Variants in RPS6KA1 observed in about 807,000 individuals in gnomAD.
The protein encoded by RPS6KA1 is ribosomal protein S6 kinase alpha-1.
In RPS6KA1, 48 loss-of-function variants were observed where a neutral mutation model predicts 91.3. The observed-to-expected ratio is 0.53, with a 90% confidence interval of 0.42 to 0.67. RPS6KA1 has a LOEUF of 0.67. RPS6KA1 is among the 30% of genes least tolerant of loss of function. The pLI is 0.00. For missense variants in RPS6KA1, 719 were observed against 960.5 expected, an observed-to-expected ratio of 0.75 and a Z score of 3.32; for synonymous variants, 359 against 384.7, an observed-to-expected ratio of 0.93 and a Z score of 0.78.
intron 17 of RPS6KA1, among the ~76,000 whole-genome samples, chr1:26,570,409 G>C (rs1414617926): frequency 6.6e-6 from 1 of 152,120 alleles, no homozygotes; most frequent in Non-Finnish European, 1.5e-5. Flanking sequence ...GATCACTTGA[G>C]CTCAGAGATT....
intron 14 of RPS6KA1, 133 bp from the exon 15 acceptor site, chr1:26,560,593 T>C: frequency 8.8e-7 from 1 of 1,142,114 alleles, no homozygotes; most frequent in African/African-American, 1.5e-5. Flanking sequence ...TGCGGTCACA[T>C]GGCCAACACT....
chr1:26,566,096 G>A (rs1236231126), intron 17 of RPS6KA1, among the ~76,000 whole-genome samples: 2 of 152,138 alleles, frequency 1.3e-5, no homozygotes, highest in Non-Finnish European at 2.9e-5. Context: ...CAATGGAATT[G>A]CTGGGTCAGA....
chr1:26,557,272 C>T (rs374128119), intron 13 of RPS6KA1, among the ~76,000 whole-genome samples, 172 bp downstream of exon 13: 6 of 152,028 alleles, frequency 3.9e-5, no homozygotes, highest in African/African-American at 9.7e-5. Flanking sequence ...TGTCTCACTC[C>T]GCCCGACTCT....
chr1:26,565,396 A>C (rs1343922938), intron 17 of RPS6KA1, among the ~76,000 whole-genome samples: 1 of 152,024 alleles, frequency 6.6e-6, no homozygotes, highest in Non-Finnish European at 1.5e-5. Flanking sequence ...CAAGTCAATA[A>C]ATTTTCAAAA....
intron 1 of RPS6KA1, among the ~76,000 whole-genome samples, chr1:26,534,929 A>C (rs1275991757): frequency 6.6e-6 from 1 of 152,182 alleles, no homozygotes; most frequent in Admixed American, 6.5e-5. Context: ...GGCCTGGTAC[A>C]TAGAAGGTTC....
At chr1:26,564,473 T>C (rs983322235) in intron 17 of RPS6KA1, among the ~76,000 whole-genome samples, 7 of 152,176 alleles carry the variant, frequency 4.6e-5, no homozygotes, top group Non-Finnish European at 1.0e-4. Context: ...TTAGCCAGGA[T>C]GGTTTCGATC....
intron 4 of RPS6KA1, among the ~76,000 whole-genome samples, chr1:26,550,698 T>G (rs2076041938): frequency 6.6e-6 from 1 of 152,012 alleles, no homozygotes; most frequent in Non-Finnish European, 1.5e-5. Context: ...GAAGGCAACC[T>G]GAAAAAGAGA....
intron 4 of RPS6KA1, among the ~76,000 whole-genome samples, chr1:26,549,138 C>T (rs2076022938): frequency 6.7e-6 from 1 of 150,224 alleles, no homozygotes; most frequent in Non-Finnish European, 1.5e-5. Flanking sequence ...CTAGTGAAGG[C>T]TTTGGGACTA....
At chr1:26,572,448 G>GACC (rs1456308486) in intron 20 of RPS6KA1, among the ~76,000 whole-genome samples, 155 bp downstream of exon 20, 2 of 151,842 alleles carry the variant, frequency 1.3e-5, no homozygotes, top group African/African-American at 4.8e-5. Flanking sequence ...TTCCCAGGCA[G>GACC]ACCACCACCA....
In RPS6KA1 at chr1:26,574,802, A is replaced by G. The variant is rs1044348798; in HGVS notation, c.*601A>G. On this transcript the variant is annotated 3_prime_UTR_variant, in exon 22 of 22. Transcript: ENST00000374168. This position sits in a 1 kb window ranked among gnomAD's most constrained non-coding sequence, Gnocchi z 4.3. Reference sequence around the variant, plus strand: ...CTTCCAGCTTCAGGCACCAGCATCCACCTTGGCTCTGCCAGTGGATCCCCT... The same window carrying G: ...CTTCCAGCTTCAGGCACCAGCATCCGCCTTGGCTCTGCCAGTGGATCCCCT... 1 of 244,922 alleles carries G rather than the reference A, an allele frequency of 4.1e-6. No individual in the cohort carries two copies. Among genetic ancestry groups the G allele is most frequent in the Non-Finnish European group, 8.3e-6 (1 of 120,552 alleles). The allele number at this position is 244,922 out of a possible 1,614,324, so 15.2% of individuals were successfully genotyped here.
At chr1:26,543,967 C>T (rs548398415) in intron 2 of RPS6KA1, 28 of 417,348 alleles carry the variant, frequency 6.7e-5, no homozygotes, top group African/African-American at 5.7e-4. Flanking sequence ...GAGGAAAATC[C>T]TAGGGAAATG....
chr1:26,556,349 AG>A (rs2076101518), intron 11 of RPS6KA1, among the ~76,000 whole-genome samples: 2 of 152,208 alleles, frequency 1.3e-5, no homozygotes, highest in Non-Finnish European at 2.9e-5. Context: ...GGCTCTCTGT[AG>A]GTCTCAGAAC....
In RPS6KA1 at chr1:26,574,047, A is replaced by T; in HGVS notation, c.2086-32A>T. The T allele has an allele frequency of 1.2e-6, 2 of 1,607,488 alleles. No individual in the cohort carries two copies. The highest frequency in any genetic ancestry group is 1.7e-6 in the Non-Finnish European group (2 of 1,174,996). ...TCCCCTCCCCGCTACATCTCCCACC[A>T]TTGTGACCTGACCTCCCCACTTCTC... On this transcript the variant is annotated intron_variant, in intron 21 of 21. Transcript: ENST00000374168. The surrounding 1 kb of genome is among the most constrained non-coding windows in gnomAD (Gnocchi z 4.3).
intron 17 of RPS6KA1, among the ~76,000 whole-genome samples, chr1:26,564,580 G>A (rs74062516): frequency 0.029 from 4,393 of 152,114 alleles, 191 homozygotes; most frequent in African/African-American, 0.1. Context: ...TTTAACCATG[G>A]CAGGTGGTAA....
Position 26,554,706 on chromosome 1 carries a change from A to T in RPS6KA1, c.724A>T (p.Ser242Cys), listed in dbSNP as rs1488917029. Residue 242 changes from serine to cysteine, a missense_variant, in exon 9 of 22, where the codon AGT becomes TGT. Physicochemically the swap from Ser to Cys is moderately radical, Grantham distance 112. This residue lies in a region of RPS6KA1 where 159 missense variants were observed against 264.5 expected (regional missense o/e 0.60). Transcript: ENST00000374168. This position sits in a 1 kb window ranked among gnomAD's most constrained non-coding sequence, Gnocchi z 4.6. ...CGTCAACCGCCAGGGCCACTCCCAT[A>T]GTGCGGACTGGTGGTCCTATGGGGT... ...EVVNRQGHSH[S>C]ADWWSYGVLM... 18 of 1,610,644 alleles carry T rather than the reference A, an allele frequency of 1.1e-5. No homozygotes were observed. In the Admixed American group the frequency reaches 1.5e-4, roughly 13 times the overall value.
At chr1:26,569,487 C>T (rs2076232022) in intron 17 of RPS6KA1, among the ~76,000 whole-genome samples, 1 of 152,146 alleles carries the variant, frequency 6.6e-6, no homozygotes, top group Non-Finnish European at 1.5e-5. Flanking sequence ...CTGGGGCTAC[C>T]CTAACAGTGT....
Position 26,571,807 on chromosome 1 carries a change from A to G in RPS6KA1, c.1753-42A>G, listed in dbSNP as rs1466769880. On this transcript the variant is annotated intron_variant, in intron 18 of 21. Coordinates refer to ENST00000374168, the MANE Select transcript of RPS6KA1 (RefSeq NM_002953.4). The surrounding 1 kb of genome is among the most constrained non-coding windows in gnomAD (Gnocchi z 5.1). Reference sequence around the variant, plus strand: ...CAGGAAACATCTGTGGCGACTTTCTACTGCCCCCCCAGACTGACCACCTCC... The same window carrying G: ...CAGGAAACATCTGTGGCGACTTTCTGCTGCCCCCCCAGACTGACCACCTCC... 1 of 1,583,134 alleles carries G rather than the reference A, an allele frequency of 6.3e-7. No individual in the cohort carries two copies. Among genetic ancestry groups the G allele is most frequent in the Admixed American group, 1.7e-5 (1 of 58,806 alleles).
rs939548904 is a variant in RPS6KA1 at position 26,529,774 on chromosome 1, CGCG to C, written c.-133_-131del. On this transcript the variant is annotated 5_prime_UTR_variant, in exon 1 of 22. Coordinates refer to ENST00000374168, the MANE Select transcript of RPS6KA1 (RefSeq NM_002953.4). The surrounding 1 kb of genome is among the most constrained non-coding windows in gnomAD (Gnocchi z 4.2). ...ACGGAGGGAGCCGAAGTGCTAGTGC[CGCG>C]GCGGCGGCGGCGGACGGCCCAGCCG... 2.7e-3 allele frequency: 1,085 copies of C among 400,352 alleles called. No individual in the cohort carries two copies. Among genetic ancestry groups the C allele is most frequent in the Non-Finnish European group, 3.3e-3 (865 of 262,816 alleles). The allele number at this position is 400,352 out of a possible 1,614,324, so 24.8% of individuals were successfully genotyped here.
At position 26,547,131 on chromosome 1, in the gene RPS6KA1, T is replaced by G. The variant is rs1256844844; in HGVS notation, c.226-58T>G. ...GCTTGGGGCTCAGAGAAGATAGAGG[T>G]CAGCCTGGACTCAGACCTCTCCCAT... On this transcript the variant is annotated intron_variant, in intron 3 of 21. Coordinates refer to ENST00000374168, the MANE Select transcript of RPS6KA1 (RefSeq NM_002953.4). This position sits in a 1 kb window ranked among gnomAD's most constrained non-coding sequence, Gnocchi z 4.1. 6.3e-7 allele frequency: 1 copy of G among 1,584,806 alleles called. No individual in the cohort carries two copies. The highest frequency in any genetic ancestry group is 1.3e-5 in the African/African-American group (1 of 74,272).
Sources: allele counts gnomAD v4.1 joint callset (sites outside exome capture counted in the v4.1 genomes callset), GRCh38; gene constraint gnomAD v4.1.1; regional missense constraint gnomAD v4.1.1; non-coding constraint Gnocchi (gnomAD v3.1); transcripts MANE v1.5; gene names NCBI Gene and HGNC (gene_info 2026-07-23, HGNC 2026-07-21).